Variants in MCTP2 observed in about 807,000 individuals in gnomAD.
MCTP2 encodes the protein multiple C2 and transmembrane domain-containing protein 2.
In MCTP2, 132 loss-of-function variants were observed where a neutral mutation model predicts 111.6. The ratio of observed to expected loss-of-function variants is 1.18; its 90% CI spans 1.03 to 1.37. The LOEUF is 1.37. MCTP2 is among the 40% of genes most tolerant of loss of function. The pLI, the probability that MCTP2 is intolerant of heterozygous loss-of-function variation, is 0.00. For synonymous variants in MCTP2, 395 were observed against 387.7 expected (o/e 1.02, Z -0.22); for missense variants, 1,183 against 1,067.9 (o/e 1.11, Z -1.50).
intron 17 of MCTP2, among the ~76,000 whole-genome samples, chr15:94,409,861 C>T (rs188077533): frequency 6.6e-6 from 1 of 151,006 alleles, no homozygotes; most frequent in East Asian, 2.0e-4. Flanking sequence ...TTTCCACTCA[C>T]CCTTCCTTTC....
rs181245677 is a variant in MCTP2 at position 94,359,938 on chromosome 15, C to G, written c.1301+1326C>G. ...GCTCCGGTGTCTCTCAATATGGGTA[C>G]CCTGTTGCATGGGACTGTCTGGCAT... is the stretch of plus-strand genomic sequence containing the variant. On this transcript the variant is annotated intron_variant, in intron 10 of 22. Transcript: ENST00000357742. Among the ~76,000 whole-genome samples, 250 of 152,196 alleles carry G rather than the reference C, an allele frequency of 1.6e-3. 4 individuals carry two copies. Among genetic ancestry groups the G allele is most frequent in the Non-Finnish European group, 2.4e-4 (16 of 67,994 alleles).
chr15:94,298,397 G>T lies in MCTP2; in HGVS notation c.132G>T (p.Leu44Phe). Reference sequence around the variant, plus strand: ...CAGATCTACGGGCAAGGCATCACTTGGACCGCCGTCTCAGCCTCTCTGTGC... The same window carrying T: ...CAGATCTACGGGCAAGGCATCACTTTGACCGCCGTCTCAGCCTCTCTGTGC... ...KPPDLRARHH[L>F]DRRLSLSVPD... Residue 44 changes from leucine to phenylalanine, a missense_variant, in exon 2 of 23, where the codon TTG becomes TTT. Coordinates refer to ENST00000357742, the MANE Select transcript of MCTP2 (RefSeq NM_001385001.1). The T allele has an allele frequency of 1.9e-6, 3 of 1,614,168 alleles. No homozygotes were observed. Among genetic ancestry groups the T allele is most frequent in the Non-Finnish European group, 2.5e-6 (3 of 1,180,022 alleles).
chr15:94,243,997 A>G (rs1362128621), intron 1 of MCTP2, among the ~76,000 whole-genome samples: 1 of 146,778 alleles, frequency 6.8e-6, no homozygotes, highest in Non-Finnish European at 1.5e-5. Context: ...ATGTGTATAT[A>G]TTTATGCACA....
intron 1 of MCTP2, among the ~76,000 whole-genome samples, chr15:94,245,624 A>G (rs921446936): frequency 6.9e-6 from 1 of 145,210 alleles, no homozygotes; most frequent in African/African-American, 2.5e-5. Context: ...GTACATGTAT[A>G]TATACATATA....
intron 2 of MCTP2, among the ~76,000 whole-genome samples, chr15:94,304,214 G>A (rs1207609895): frequency 6.6e-6 from 1 of 152,190 alleles, no homozygotes; most frequent in African/African-American, 2.4e-5. Flanking sequence ...GGCTAACATG[G>A]GTGGATCACT....
At chr15:94,344,044 G>A (rs1247084965) in intron 7 of MCTP2, 2 of 149,240 alleles carry the variant, frequency 1.3e-5, no homozygotes, top group Non-Finnish European at 3.0e-5. Flanking sequence ...GAAAATATCT[G>A]TCACTATTTC....
intron 1 of MCTP2, among the ~76,000 whole-genome samples, chr15:94,264,435 T>C (rs2073388881): frequency 6.6e-6 from 1 of 151,952 alleles, no homozygotes. Flanking sequence ...AGCGAAACCC[T>C]GTCTCTACTA....
Position 94,474,310 on chromosome 15 carries a change from A to G in MCTP2, c.2471-2386A>G, listed in dbSNP as rs74029264. ...GTCTCCTTAGCTTGTTTGCATGTAC[A>G]GTAATGATGGTAGCCCTCTGCATTG... On this transcript the variant is annotated intron_variant, in intron 21 of 22. Coordinates refer to ENST00000357742, the MANE Select transcript of MCTP2 (RefSeq NM_001385001.1). 1.0e-3 allele frequency among the ~76,000 whole-genome samples: 155 copies of G among 152,294 alleles called. 1 individual carries two copies. Among genetic ancestry groups the G allele is most frequent in the African/African-American group, 3.6e-3 (151 of 41,562 alleles).
intron 19 of MCTP2, among the ~76,000 whole-genome samples, chr15:94,455,263 A>T (rs115619223): frequency 0.02 from 3,101 of 152,342 alleles, 104 homozygotes; most frequent in African/African-American, 0.07. Context: ...TTGTCTTAAA[A>T]TGTTTGACAG....
At chr15:94,263,581 C>T (rs547602494) in intron 1 of MCTP2, among the ~76,000 whole-genome samples, 3 of 152,270 alleles carry the variant, frequency 2.0e-5, no homozygotes, top group Non-Finnish European at 2.9e-5. Flanking sequence ...GCCTTCTGTC[C>T]TTAGGAACAC....
At chr15:94,407,775 GCACACACACACACACACACACA>G (rs57851445) in intron 17 of MCTP2, among the ~76,000 whole-genome samples, 5,005 of 147,802 alleles carry the variant, frequency 0.034, 125 homozygotes, top group Middle Eastern at 0.064. Flanking sequence ...ATGTACTTGT[GCACACACACACACACACACACA>G]CACACACACA....
Position 94,324,067 on chromosome 15 carries a change from G to T in MCTP2, c.637+8430G>T, listed in dbSNP as rs113058082. 1.4e-3 allele frequency among the ~76,000 whole-genome samples: 211 copies of T among 152,334 alleles called. 2 individuals are homozygous for T. Among genetic ancestry groups the T allele is most frequent in the African/African-American group, 4.8e-3 (200 of 41,582 alleles). On this transcript the variant is annotated intron_variant, in intron 4 of 22. Coordinates refer to ENST00000357742, the MANE Select transcript of MCTP2 (RefSeq NM_001385001.1). ...CTGGTAAAGCAGAAGAAATATGTGA[G>T]CAATCGCCTTTAATTCCAACTGCTT...
At chr15:94,285,809 C>T (rs2074725064) in intron 1 of MCTP2, among the ~76,000 whole-genome samples, 1 of 152,154 alleles carries the variant, frequency 6.6e-6, no homozygotes, top group Admixed American at 6.5e-5. Flanking sequence ...AGGGGTCATA[C>T]CCTGTCCCAC....
chr15:94,390,090 G>A (rs60916828), intron 14 of MCTP2, among the ~76,000 whole-genome samples: 7,902 of 64,330 alleles, frequency 0.12, 645 homozygotes, highest in Non-Finnish European at 0.16. Context: ...ATATATATAT[G>A]TATATATATA....
chr15:94,361,317 ACT>A (rs1361559000), intron 10 of MCTP2, among the ~76,000 whole-genome samples: 20 of 151,690 alleles, frequency 1.3e-4, no homozygotes, highest in African/African-American at 4.6e-4. Flanking sequence ...ATCTAGATGG[ACT>A]CTCTGGGGAA....
intron 2 of MCTP2, 49 bp downstream of exon 2, chr15:94,298,779 T>C (rs1300923736): frequency 5.8e-6 from 7 of 1,207,456 alleles, no homozygotes; most frequent in Non-Finnish European, 6.8e-6. Context: ...TCTCTCTCTC[T>C]CTTTCCCTCT....
At chr15:94,239,382 C>G (rs946432291) in intron 1 of MCTP2, among the ~76,000 whole-genome samples, 1 of 152,160 alleles carries the variant, frequency 6.6e-6, no homozygotes, top group African/African-American at 2.4e-5. Context: ...GCTGCAGGCT[C>G]AATTATTATT....
At chr15:94,457,462 AT>A (rs1307356708) in intron 19 of MCTP2, among the ~76,000 whole-genome samples, 1 of 152,144 alleles carries the variant, frequency 6.6e-6, no homozygotes, top group Non-Finnish European at 1.5e-5. Context: ...ATGAATTTGT[AT>A]TTGCTTCTAA....
intron 1 of MCTP2, chr15:94,273,593 T>A: frequency 4.9e-6 from 1 of 203,878 alleles, no homozygotes. Flanking sequence ...ATGTCGTCCC[T>A]GCTCTCCAAA....
Sources: allele counts gnomAD v4.1 joint callset (sites outside exome capture counted in the v4.1 genomes callset), GRCh38; gene constraint gnomAD v4.1.1; transcripts MANE v1.5; gene names NCBI Gene and HGNC (gene_info 2026-07-23, HGNC 2026-07-21).